The following MYO5B variants were observed in gnomAD, a reference collection of about 807,000 sequenced individuals.
MYO5B encodes the protein unconventional myosin-Vb.
A neutral mutation model predicts 229.3 loss-of-function variants in MYO5B; 143 were observed. The observed-to-expected ratio is 0.62, with a 90% CI of 0.54 to 0.72. The LOEUF is 0.72. MYO5B is among the 30% of genes least tolerant of loss of function. The pLI, the probability that MYO5B is intolerant of heterozygous loss-of-function variation, is 0.00. For missense variants in MYO5B, 2,321 were observed against 2,331.0 expected, an observed-to-expected ratio of 1.00 and a Z score of 0.09; for synonymous variants, 918 against 885.2, an observed-to-expected ratio of 1.04 and a Z score of -0.66.
At chr18:49,853,765 C>T (rs1598834030) in intron 30 of MYO5B, 118 bp from the exon 31 acceptor site, 2 of 907,370 alleles carry the variant, frequency 2.2e-6, no homozygotes, top group East Asian at 2.6e-5. Context: ...GGTTGCACAT[C>T]CCCCAGAGGG....
intron 1 of MYO5B, among the ~76,000 whole-genome samples, chr18:50,174,256 T>C (rs528156186): frequency 6.6e-6 from 1 of 152,208 alleles, no homozygotes; most frequent in Non-Finnish European, 1.5e-5. Flanking sequence ...CTGGCTCATG[T>C]GGAACTTAAT....
rs1555792655 is a variant in MYO5B, at chr18:49,830,172, A to ACACAC, written c.5395-3550_5395-3549insGTGTG. ...ACACACACACACACACACACACACA[A>ACACAC]ATATTGCTAGAGCTAATGAATTCAG... On this transcript the variant is annotated intron_variant, in intron 39 of 39. Transcript: ENST00000285039. Among the ~76,000 whole-genome samples the ACACAC allele has an allele frequency of 6.2e-5, 6 of 97,200 alleles. No homozygotes were observed. In the East Asian group the frequency reaches 1.5e-3, roughly 24 times the overall value. 63.8% of individuals were successfully genotyped at this position (97,200 alleles called of 152,430 possible).
intron 1 of MYO5B, among the ~76,000 whole-genome samples, chr18:50,118,556 T>C (rs2032004522): frequency 6.6e-6 from 1 of 152,170 alleles, no homozygotes; most frequent in South Asian, 2.1e-4. Flanking sequence ...TATTATACTT[T>C]AAGTTTTAGG....
chr18:50,144,893 A>C (rs527807064), intron 1 of MYO5B, among the ~76,000 whole-genome samples: 2 of 152,314 alleles, frequency 1.3e-5, no homozygotes, highest in African/African-American at 4.8e-5. Flanking sequence ...GTTGAGTCTA[A>C]ATCCCAGGTA....
intron 1 of MYO5B, among the ~76,000 whole-genome samples, chr18:50,082,015 GAT>G: frequency 6.6e-6 from 1 of 152,262 alleles, no homozygotes; most frequent in South Asian, 2.1e-4. Flanking sequence ...AAAGAAATAT[GAT>G]ATATTAGTAT....
At chr18:50,178,403 A>T (rs1321473414) in intron 1 of MYO5B, among the ~76,000 whole-genome samples, 2 of 152,256 alleles carry the variant, frequency 1.3e-5, no homozygotes, top group Non-Finnish European at 2.9e-5. Context: ...ACAGTGAATA[A>T]CTACGTAAAA....
intron 12 of MYO5B, among the ~76,000 whole-genome samples, chr18:49,961,954 G>T (rs1470532699): frequency 6.6e-6 from 1 of 152,202 alleles, no homozygotes; most frequent in Non-Finnish European, 1.5e-5. Context: ...AGATGTTGCA[G>T]TTCTTCTCTT....
At chr18:49,942,915 T>C (rs1298098369) in intron 14 of MYO5B, among the ~76,000 whole-genome samples, 1 of 152,020 alleles carries the variant, frequency 6.6e-6, no homozygotes, top group African/African-American at 2.4e-5. Flanking sequence ...CACATGCACA[T>C]GTATATTTAT....
chr18:50,138,417 G>C (rs749333949), intron 1 of MYO5B, among the ~76,000 whole-genome samples: 21 of 152,144 alleles, frequency 1.4e-4, no homozygotes, highest in South Asian at 2.1e-4. Context: ...CCCAATTTGG[G>C]GGGGGTGGCA....
intron 12 of MYO5B, among the ~76,000 whole-genome samples, chr18:49,957,142 C>CAAAAAAAAAAAAAAAAAAA (rs71169467): frequency 2.0e-4 from 12 of 58,684 alleles, no homozygotes; most frequent in Non-Finnish European, 3.2e-4. Flanking sequence ...AATAAAGTAG[C>CAAAAAAAAAAAAAAAAAAA]AAAAAAAAAA....
intron 1 of MYO5B, among the ~76,000 whole-genome samples, chr18:50,190,888 A>C (rs993574553): frequency 2.6e-5 from 4 of 152,250 alleles, no homozygotes; most frequent in African/African-American, 9.6e-5. Context: ...AAAATGTATA[A>C]ATGCTGTTAG....
At chr18:49,892,921 C>A (rs1476004468) in intron 22 of MYO5B, among the ~76,000 whole-genome samples, 1 of 152,144 alleles carries the variant, frequency 6.6e-6, no homozygotes, top group African/African-American at 2.4e-5. Context: ...CTTGCAGCGT[C>A]CTTAATTTTT....
chr18:50,145,497 C>CAAAAAAAAAAAAAAAAAAA (rs369507800), intron 1 of MYO5B, among the ~76,000 whole-genome samples: 9 of 70,010 alleles, frequency 1.3e-4, no homozygotes, highest in African/African-American at 4.6e-4. Flanking sequence ...GACTCCATCT[C>CAAAAAAAAAAAAAAAAAAA]AAAAAAAAAA....
intron 1 of MYO5B, among the ~76,000 whole-genome samples, chr18:50,172,071 A>G (rs939688536): frequency 6.6e-6 from 1 of 152,124 alleles, no homozygotes; most frequent in South Asian, 2.1e-4. Flanking sequence ...GCAGAACTCC[A>G]TGAGTTTGAG....
At chr18:50,072,673 G>T (rs74634797) in intron 1 of MYO5B, among the ~76,000 whole-genome samples, 1,525 of 152,276 alleles carry the variant, frequency 0.01, 21 homozygotes, top group African/African-American at 0.035. Context: ...TGCTAACAGT[G>T]TAGTTAAGCA....
chr18:50,022,224 T>A (rs1360086113), intron 4 of MYO5B, among the ~76,000 whole-genome samples: 4 of 152,094 alleles, frequency 2.6e-5, no homozygotes, highest in African/African-American at 4.8e-5. Context: ...CAAGTTCACA[T>A]CATGTTTGCC....
In MYO5B at chr18:49,900,515, G is replaced by A. The variant is rs117912912; in HGVS notation, c.2811+2079C>T. Among the ~76,000 whole-genome samples, 787 of 152,324 alleles carry A rather than the reference G, an allele frequency of 5.2e-3. 15 individuals carry two copies. Among genetic ancestry groups the A allele is most frequent in the East Asian group, 0.04 (208 of 5,186 alleles). On this transcript the variant is annotated intron_variant, in intron 21 of 39. Coordinates refer to ENST00000285039, the MANE Select transcript of MYO5B (RefSeq NM_001080467.3). ...AAAGCCTTGTCTTTTGCAAGAGCACGGAAACAGAGGCATTCTATTGCTATC... is the reference window on the plus strand; with the variant it reads ...AAAGCCTTGTCTTTTGCAAGAGCACAGAAACAGAGGCATTCTATTGCTATC...
chr18:49,902,587 C>T lies in MYO5B; in HGVS notation c.2811+7G>A. 1 of 1,611,028 alleles carries T rather than the reference C, an allele frequency of 6.2e-7. No homozygotes were observed. On this transcript the variant is annotated splice_region_variant and intron_variant, in intron 21 of 39. Transcript: ENST00000285039. Reference sequence around the variant, plus strand: ...CGACACCCAGGTAGGGAGCTGCAGACACTGACCTGCTCATCGATCTTCCGC... The same window carrying T: ...CGACACCCAGGTAGGGAGCTGCAGATACTGACCTGCTCATCGATCTTCCGC...
At position 49,990,335 on chromosome 18, in the gene MYO5B, C is replaced by T. The variant is rs978073625; in HGVS notation, c.838+104G>A. 9.5e-6 allele frequency: 9 copies of T among 950,172 alleles called. No individual in the cohort carries two copies. The East Asian group carries it at 1.3e-4, about 13-fold the overall frequency. The allele number at this position is 950,172 out of a possible 1,614,324, so 58.9% of individuals were successfully genotyped here. A position where few individuals can be genotyped will look rare whatever the true frequency, so the allele number is the denominator to read the frequency against. On this transcript the variant is annotated intron_variant, in intron 7 of 39. Coordinates refer to ENST00000285039, the MANE Select transcript of MYO5B (RefSeq NM_001080467.3). ...GTTATGGCCACATAAGAGGCAGAGC[C>T]GAGACAAGAACCCATGACGGAGGGC...
Sources: allele counts gnomAD v4.1 joint callset (sites outside exome capture counted in the v4.1 genomes callset), GRCh38; gene constraint gnomAD v4.1.1; transcripts MANE v1.5; gene names NCBI Gene and HGNC (gene_info 2026-07-23, HGNC 2026-07-21).